The following TYW1 variants were observed in gnomAD, a reference collection of about 807,000 sequenced individuals.
TYW1 encodes S-adenosyl-L-methionine-dependent tRNA 4-demethylwyosine synthase TYW1.
Under a neutral mutation model 96.2 loss-of-function variants are expected in TYW1, and 46 were observed. That is an observed-to-expected ratio of 0.48 (90% CI 0.38 to 0.61). The LOEUF (loss-of-function observed/expected upper bound fraction) is 0.61, where lower values mean the gene tolerates loss of function less well. Ranked by LOEUF, TYW1 falls within the 20% of genes least tolerant of loss-of-function variation. The pLI, the probability that TYW1 is intolerant of heterozygous loss-of-function variation, is 0.00. For synonymous variants in TYW1, 274 were observed against 323.0 expected (o/e 0.85, Z 1.63); for missense variants, 684 against 909.6 (o/e 0.75, Z 3.19).
intron 13 of TYW1, among the ~76,000 whole-genome samples, chr7:67,177,704 A>C (rs1165850514): frequency 1.3e-5 from 2 of 152,222 alleles, no homozygotes; most frequent in Non-Finnish European, 2.9e-5. Context: ...GATAACAACC[A>C]ACCAAAACTC....
At chr7:67,182,936 T>G (rs1799885072) in intron 13 of TYW1, among the ~76,000 whole-genome samples, 190 bp from the exon 14 acceptor site, 1 of 151,420 alleles carries the variant, frequency 6.6e-6, no homozygotes, top group South Asian at 2.1e-4. Flanking sequence ...GTGCCTTCCA[T>G]AAGGCATGTT....
At chr7:67,026,328 C>T (rs377327422) in intron 7 of TYW1, among the ~76,000 whole-genome samples, 3 of 152,310 alleles carry the variant, frequency 2.0e-5, no homozygotes, top group East Asian at 3.9e-4. Flanking sequence ...CCGCCTTGGC[C>T]TCCTGTGGTG....
chr7:67,215,116 A>G (rs1584706136), intron 15 of TYW1, among the ~76,000 whole-genome samples: 1 of 150,416 alleles, frequency 6.6e-6, no homozygotes, highest in South Asian at 2.1e-4. Context: ...TCACCAGTGA[A>G]CCCACCTAGG....
At chr7:67,051,149 T>TGTGA (rs1319076083) in intron 8 of TYW1, among the ~76,000 whole-genome samples, 8 of 152,226 alleles carry the variant, frequency 5.3e-5, no homozygotes, top group African/African-American at 1.7e-4. Context: ...GGATTACAGG[T>TGTGA]GTGAGCCACT....
intron 7 of TYW1, among the ~76,000 whole-genome samples, chr7:67,028,415 C>T (rs988416007): frequency 1.3e-5 from 2 of 152,234 alleles, no homozygotes; most frequent in South Asian, 2.1e-4. Flanking sequence ...GGTGTGGTGG[C>T]GCATGCCTGT....
At chr7:67,089,565 C>T in intron 11 of TYW1, 2 of 601,720 alleles carry the variant, frequency 3.3e-6, no homozygotes, top group East Asian at 6.0e-5. Flanking sequence ...GCCGTCTGTC[C>T]TGGGTCTGGT....
At chr7:67,049,908 A>G (rs201938561) in intron 7 of TYW1, 41 bp from the exon 8 acceptor site, 177 of 1,611,816 alleles carry the variant, frequency 1.1e-4, no homozygotes, top group Non-Finnish European at 1.4e-4. Flanking sequence ...TACATTGCAC[A>G]TTACCAATTC....
At chr7:67,119,023 A>G (rs537654788) in intron 13 of TYW1, among the ~76,000 whole-genome samples, 33 of 152,148 alleles carry the variant, frequency 2.2e-4, no homozygotes, top group Non-Finnish European at 4.4e-4. Context: ...ATTTTCTGCA[A>G]ACATTTGGCC....
intron 4 of TYW1, 139 bp downstream of exon 4, chr7:67,009,823 C>A: frequency 1.3e-6 from 1 of 771,750 alleles, no homozygotes; most frequent in Non-Finnish European, 2.0e-6. Flanking sequence ...AGTTGAATTC[C>A]AGTGTGAATC....
At position 67,191,556 on chromosome 7, in the gene TYW1, G is replaced by A. The variant is rs549899380; in HGVS notation, c.1810-3614G>A. On this transcript the variant is annotated intron_variant, in intron 14 of 15. Transcript: ENST00000359626. Reference sequence around the variant, plus strand: ...TTCTGATAAATGGAGTTGGGGGTGAGGGTGAGGGTGAGAGTGGGTGAGAAG... The same window carrying A: ...TTCTGATAAATGGAGTTGGGGGTGAAGGTGAGGGTGAGAGTGGGTGAGAAG... 3.1e-4 allele frequency among the ~76,000 whole-genome samples: 45 copies of A among 144,444 alleles called. 1 individual carries two copies. Among genetic ancestry groups the A allele is most frequent in the Middle Eastern group, 6.9e-3 (2 of 290 alleles). The allele number at this position is 144,444 out of a possible 152,430, so 94.8% of individuals were successfully genotyped here.
chr7:67,166,747 G>A (rs1220012586), intron 13 of TYW1, among the ~76,000 whole-genome samples: 1 of 152,048 alleles, frequency 6.6e-6, no homozygotes, highest in Admixed American at 6.6e-5. Context: ...AGTATGCCAC[G>A]ATTTATTCCT....
At chr7:67,221,223 C>A (rs1801382971) in intron 15 of TYW1, among the ~76,000 whole-genome samples, 1 of 152,088 alleles carries the variant, frequency 6.6e-6, no homozygotes, top group South Asian at 2.1e-4. Context: ...CTCTGTTGAA[C>A]CTTTTATCAA....
At chr7:67,059,500 A>G (rs1489424207) in intron 9 of TYW1, among the ~76,000 whole-genome samples, 1 of 151,272 alleles carries the variant, frequency 6.6e-6, no homozygotes, top group Non-Finnish European at 1.5e-5. Context: ...GGGTGACGGC[A>G]GTCTGAGGGT....
intron 13 of TYW1, among the ~76,000 whole-genome samples, chr7:67,149,915 C>T (rs1798746104): frequency 6.6e-6 from 1 of 151,884 alleles, no homozygotes; most frequent in African/African-American, 2.4e-5. Context: ...TCACTCTTAT[C>T]TGTTGACTCC....
At chr7:67,038,901 C>T (rs1794926064) in intron 7 of TYW1, among the ~76,000 whole-genome samples, 1 of 152,132 alleles carries the variant, frequency 6.6e-6, no homozygotes, top group Admixed American at 6.6e-5. Flanking sequence ...AAGACTCCAT[C>T]TCAAAAGCAA....
intron 10 of TYW1, 51 bp from the exon 11 acceptor site, chr7:67,083,379 C>G (rs755679001): frequency 8.3e-6 from 13 of 1,573,538 alleles, no homozygotes; most frequent in Admixed American, 5.1e-5. Context: ...AAATGACTAG[C>G]CCAGATCTTA....
chr7:67,175,016 A>G (rs1269397091), intron 13 of TYW1, among the ~76,000 whole-genome samples: 1 of 151,674 alleles, frequency 6.6e-6, no homozygotes, highest in African/African-American at 2.4e-5. Flanking sequence ...TAAATTTAAA[A>G]CCTCGTCCAA....
At chr7:67,113,671 C>G (rs1391891039) in intron 12 of TYW1, among the ~76,000 whole-genome samples, 1 of 148,318 alleles carries the variant, frequency 6.7e-6, no homozygotes, top group Non-Finnish European at 1.5e-5. Context: ...TGGAGTCTTG[C>G]TCTGTTGCCC....
chr7:67,074,756 A>G (rs1385372979), intron 10 of TYW1, among the ~76,000 whole-genome samples: 1 of 152,208 alleles, frequency 6.6e-6, no homozygotes, highest in Non-Finnish European at 1.5e-5. Flanking sequence ...CAACTGTAGA[A>G]TAAAACAACA....
Sources: gnomAD v4.1 joint callset for allele counts (sites outside exome capture counted in the v4.1 genomes callset) on GRCh38, gnomAD v4.1.1 for gene constraint, MANE v1.5 for transcripts, NCBI Gene and HGNC (gene_info 2026-07-23, HGNC 2026-07-21) for gene names.